Variants in SGCD observed in about 807,000 individuals in gnomAD.
SGCD encodes the protein sarcoglycan delta, also known as delta-sarcoglycan.
A neutral mutation model predicts 36.6 loss-of-function variants in SGCD; 18 were observed. The observed-to-expected ratio is 0.49, with a 90% CI of 0.34 to 0.73. SGCD has a LOEUF of 0.73. Among genes scored for constraint, SGCD ranks in the 30% least tolerant of loss-of-function variants. The pLI, the probability that SGCD is intolerant of heterozygous loss-of-function variation, is 0.01. For synonymous variants in SGCD, 133 were observed against 130.6 expected, an observed-to-expected ratio of 1.02 and a Z score of -0.12; for missense variants, 387 against 346.7, an observed-to-expected ratio of 1.12 and a Z score of -0.92.
At chr5:155,920,026 G>C (rs558972439) in intron 1 of SGCD, among the ~76,000 whole-genome samples, 1 of 152,240 alleles carries the variant, frequency 6.6e-6, no homozygotes, top group African/African-American at 2.4e-5. Context: ...CACATAGCAG[G>C]ACATTTGTGG....
At chr5:155,899,385 A>G (rs1030552911) in intron 1 of SGCD, among the ~76,000 whole-genome samples, 2 of 152,200 alleles carry the variant, frequency 1.3e-5, no homozygotes, top group Non-Finnish European at 2.9e-5. Context: ...TCTTAGCTCT[A>G]ACCCTGGGCC....
At chr5:156,461,414 G>T (rs973411813) in intron 3 of SGCD, among the ~76,000 whole-genome samples, 26 of 152,104 alleles carry the variant, frequency 1.7e-4, no homozygotes, top group African/African-American at 5.5e-4. Context: ...AAAATGAGGA[G>T]AACTTTATTA....
chr5:156,458,673 G>A (rs1754358220), intron 3 of SGCD, among the ~76,000 whole-genome samples: 1 of 152,190 alleles, frequency 6.6e-6, no homozygotes, highest in Non-Finnish European at 1.5e-5. Flanking sequence ...GATAGTCTAT[G>A]TTAAGGATAA....
intron 6 of SGCD, among the ~76,000 whole-genome samples, chr5:156,618,621 C>T (rs1581265105): frequency 6.7e-6 from 1 of 149,316 alleles, no homozygotes; most frequent in African/African-American, 2.5e-5. Flanking sequence ...AAGAGCCAGT[C>T]CGAAAACCTA....
chr5:155,784,656 T>TTC, the SGCD span, among the ~76,000 whole-genome samples: 109 of 150,864 alleles, frequency 7.2e-4, no homozygotes, highest in Non-Finnish European at 1.2e-3. Flanking sequence ...TTTTTTTTTT[T>TTC]CCATGTGTTT....
chr5:155,950,250 C>T (rs1757523368), intron 1 of SGCD, among the ~76,000 whole-genome samples: 1 of 152,116 alleles, frequency 6.6e-6, no homozygotes, highest in Admixed American at 6.6e-5. Context: ...TTATGCTCCC[C>T]CTACCTGCTT....
intron 3 of SGCD, among the ~76,000 whole-genome samples, chr5:156,453,621 C>T (rs1055306285): frequency 2.0e-5 from 3 of 152,094 alleles, no homozygotes; most frequent in South Asian, 4.1e-4. Context: ...TTGGGAAGGG[C>T]GGTACTCTCA....
intron 3 of SGCD, among the ~76,000 whole-genome samples, chr5:156,140,533 A>G (rs1012875791): frequency 1.3e-5 from 2 of 152,190 alleles, no homozygotes; most frequent in African/African-American, 4.8e-5. Context: ...TTTCCATATC[A>G]TGTTGCTTTG....
intron 3 of SGCD, among the ~76,000 whole-genome samples, chr5:156,141,560 G>T (rs545494667): frequency 1.3e-5 from 2 of 152,260 alleles, no homozygotes; most frequent in African/African-American, 4.8e-5. Flanking sequence ...TTGTCTCATT[G>T]GGTAAAAAGA....
chr5:155,953,613 C>T (rs749962163), intron 1 of SGCD, among the ~76,000 whole-genome samples: 3 of 152,142 alleles, frequency 2.0e-5, no homozygotes, highest in Non-Finnish European at 2.9e-5. Context: ...AAAGAAGCTA[C>T]TTAGAAAGTA....
intron 6 of SGCD, among the ~76,000 whole-genome samples, chr5:156,614,147 G>A (rs972577447): frequency 2.0e-5 from 3 of 152,250 alleles, no homozygotes; most frequent in South Asian, 4.1e-4. Flanking sequence ...GTTTCACCAC[G>A]TTGGCTAGGC....
intron 1 of SGCD, among the ~76,000 whole-genome samples, chr5:155,871,261 A>T (rs928691099): frequency 3.3e-5 from 5 of 152,176 alleles, no homozygotes; most frequent in Non-Finnish European, 5.9e-5. Flanking sequence ...GTAATGGGTC[A>T]TCCTGTGTTG....
intron 7 of SGCD, among the ~76,000 whole-genome samples, chr5:156,708,799 C>T (rs1399924267): frequency 2.6e-5 from 4 of 152,090 alleles, no homozygotes; most frequent in African/African-American, 9.7e-5. Flanking sequence ...AAGAGACAGT[C>T]AGATCCAGAG....
At chr5:155,815,447 A>G in the SGCD span, among the ~76,000 whole-genome samples, 1 of 152,230 alleles carries the variant, frequency 6.6e-6, no homozygotes, top group African/African-American at 2.4e-5. Flanking sequence ...TATCACATAT[A>G]TGTCAATTAT....
chr5:156,701,723 G>T (rs1754536581), intron 7 of SGCD, among the ~76,000 whole-genome samples: 1 of 152,154 alleles, frequency 6.6e-6, no homozygotes, highest in South Asian at 2.1e-4. Flanking sequence ...AGGGTGTTTT[G>T]ATAATATGCG....
At chr5:156,321,342 C>A (rs1317263218) in intron 3 of SGCD, among the ~76,000 whole-genome samples, 1 of 152,146 alleles carries the variant, frequency 6.6e-6, no homozygotes, top group Non-Finnish European at 1.5e-5. Context: ...ATGGTGTGAA[C>A]CCGAGAAGTG....
intron 7 of SGCD, among the ~76,000 whole-genome samples, chr5:156,745,610 A>G (rs1016291841): frequency 2.0e-5 from 3 of 152,230 alleles, no homozygotes; most frequent in Non-Finnish European, 2.9e-5. Flanking sequence ...AAGGCAGCCA[A>G]TGTAGACCCA....
intron 1 of SGCD, among the ~76,000 whole-genome samples, chr5:155,886,299 G>GTATC (rs1423874873): frequency 6.6e-6 from 1 of 152,166 alleles, no homozygotes; most frequent in Non-Finnish European, 1.5e-5. Context: ...TCTGCTTTCT[G>GTATC]TATCTATCTA....
chr5:156,566,232 G>A (rs923212946), intron 4 of SGCD, among the ~76,000 whole-genome samples: 1 of 152,118 alleles, frequency 6.6e-6, no homozygotes, highest in African/African-American at 2.4e-5. Flanking sequence ...TACACTGTTG[G>A]TGAGAGTGTA....
Sources: gnomAD v4.1 joint callset for allele counts (sites outside exome capture counted in the v4.1 genomes callset) on GRCh38, gnomAD v4.1.1 for gene constraint, MANE v1.5 for transcripts, NCBI Gene and HGNC (gene_info 2026-07-23, HGNC 2026-07-21) for gene names.